CPLANE1: variants seen among roughly 807,000 people sequenced by gnomAD.
CPLANE1 encodes the protein ciliogenesis and planar polarity effector complex subunit 1, also known as ciliogenesis and planar polarity effector 1.
In CPLANE1, 263 loss-of-function variants were observed where a neutral mutation model predicts 362.5. The ratio of observed to expected loss-of-function variants is 0.73; its 90% CI spans 0.66 to 0.80. CPLANE1 has a LOEUF of 0.80. Ranked by LOEUF, CPLANE1 falls within the 30% of genes least tolerant of loss-of-function variation. CPLANE1 has a pLI of 0.00. For synonymous variants in CPLANE1, 1,212 were observed against 1,302.6 expected (o/e 0.93, Z 1.50); for missense variants, 3,461 against 3,793.4 (o/e 0.91, Z 2.30).
chr5:37,209,379 A>ATC lies in CPLANE1; in HGVS notation c.2921-2955_2921-2954insGA. ...CTGACGGCTGATGATGGCTCAGTCC[A>ATC]ACATGCTCCCCGTGGCTGATGTGTT... On this transcript the variant is annotated intron_variant, in intron 16 of 52. Coordinates refer to ENST00000651892, the MANE Select transcript of CPLANE1 (RefSeq NM_001384732.1). This position sits in a 1 kb window ranked among gnomAD's most constrained non-coding sequence, Gnocchi z 4.6. 8.8e-7 allele frequency: 1 copy of ATC among 1,131,806 alleles called. No homozygotes were observed. 70.1% of individuals were successfully genotyped at this position (1,131,806 alleles called of 1,614,324 possible).
At chr5:37,240,282 G>A (rs1561709071) in intron 6 of CPLANE1, among the ~76,000 whole-genome samples, 2 of 151,976 alleles carry the variant, frequency 1.3e-5, no homozygotes, top group African/African-American at 2.4e-5. Flanking sequence ...CCCGGGAGGC[G>A]GAGGTCGCAG....
At chr5:37,173,593 CT>C (rs558321102) in intron 32 of CPLANE1, among the ~76,000 whole-genome samples, 161 bp downstream of exon 32, 1 of 152,306 alleles carries the variant, frequency 6.6e-6, no homozygotes, top group South Asian at 2.1e-4. Flanking sequence ...ACGTGAGCCA[CT>C]GCGCCCAACC....
rs187141198 is a variant in CPLANE1 at position 37,235,032 on chromosome 5, A to T, written c.938+3825T>A. On this transcript the variant is annotated intron_variant, in intron 8 of 52. Coordinates refer to ENST00000651892, the MANE Select transcript of CPLANE1 (RefSeq NM_001384732.1). ...AAAAAAATAAATAAAAGGCATCCAA[A>T]TTATCACTCTTCACTGACAATATAA... is the stretch of plus-strand genomic sequence containing the variant. Among the ~76,000 whole-genome samples, 11 of 152,328 alleles carry T rather than the reference A, an allele frequency of 7.2e-5. No homozygotes were observed. The East Asian group carries it at 1.9e-3, about 27-fold the overall frequency.
chr5:37,201,687 G>A lies in CPLANE1; in HGVS notation c.3411C>T (p.Ala1137=). The part of the protein sequence containing the change: ...SETFQLLIDS[A]KDFSKRLWGL... ...CCCACAGTCTTTTACTGAAGTCCTT[G>A]GCAGAGTCTATCAGAAGTTGAAATG... The change falls in exon 19 of 53, where the codon GCC becomes GCT. Residue 1137 remains alanine (A), a synonymous_variant. Coordinates refer to ENST00000651892, the MANE Select transcript of CPLANE1 (RefSeq NM_001384732.1). The A allele has an allele frequency of 6.2e-7, 1 of 1,614,094 alleles. No individual in the cohort carries two copies. The highest frequency in any genetic ancestry group is 8.5e-7 in the Non-Finnish European group (1 of 1,179,958).
chr5:37,128,330 A>G (rs1255779581), intron 46 of CPLANE1, among the ~76,000 whole-genome samples: 2 of 151,500 alleles, frequency 1.3e-5, no homozygotes, highest in Non-Finnish European at 2.9e-5. Context: ...ATTACCCTAC[A>G]CTCTCCATTC....
the CPLANE1 span, chr5:37,085,057 T>C: frequency 4.3e-6 from 3 of 692,976 alleles, no homozygotes; most frequent in East Asian, 2.6e-5. Context: ...AATGCAGCCA[T>C]GGCTGGTGGT....
intron 12 of CPLANE1, 52 bp from the exon 13 acceptor site, chr5:37,224,792 GTTTAGCCTCC>G: frequency 1.6e-6 from 2 of 1,215,766 alleles, no homozygotes; most frequent in Non-Finnish European, 2.3e-6. Flanking sequence ...CTAATGATGA[GTTTAGCCTCC>G]TTTTTAGCCT....
chr5:37,244,233 G>A, intron 5 of CPLANE1, 142 bp downstream of exon 5: 1 of 534,854 alleles, frequency 1.9e-6, no homozygotes, highest in Non-Finnish European at 3.1e-6. Context: ...TTAAAAATGT[G>A]ACCCAAGAAA....
chr5:37,242,315 C>T (rs190981810), intron 6 of CPLANE1, among the ~76,000 whole-genome samples: 2,247 of 151,884 alleles, frequency 0.015, 23 homozygotes, highest in Non-Finnish European at 0.021. Context: ...GATTGCACCA[C>T]TGCACTCCAG....
At chr5:37,120,453 C>T (rs1762319386) in intron 49 of CPLANE1, 113 bp from the exon 50 acceptor site, 1 of 845,878 alleles carries the variant, frequency 1.2e-6, no homozygotes, top group Non-Finnish European at 1.7e-6. Flanking sequence ...GCCTATAGCC[C>T]CAGCTACTGG....
At chr5:37,111,143 CAG>C (rs143890894) in intron 51 of CPLANE1, among the ~76,000 whole-genome samples, 5,092 of 142,280 alleles carry the variant, frequency 0.036, 306 homozygotes, top group African/African-American at 0.12. Flanking sequence ...TGTTTTGAGA[CAG>C]AGTCTCGCTC....
chr5:37,116,575 C>T (rs371375811), intron 50 of CPLANE1, among the ~76,000 whole-genome samples: 6 of 148,558 alleles, frequency 4.0e-5, no homozygotes, highest in East Asian at 2.0e-4. Context: ...GCCATGATCA[C>T]GCCACTGCAC....
the CPLANE1 span, among the ~76,000 whole-genome samples, chr5:37,091,964 C>G: frequency 6.6e-6 from 1 of 152,200 alleles, no homozygotes; most frequent in African/African-American, 2.4e-5. Context: ...ATGAATTCTG[C>G]TCCAGACACA....
chr5:37,215,115 T>C (rs2150271886), intron 15 of CPLANE1, among the ~76,000 whole-genome samples: 1 of 152,310 alleles, frequency 6.6e-6, no homozygotes, highest in Middle Eastern at 3.4e-3. Context: ...AATGGTGCGA[T>C]CTCAGCTCAC....
At position 37,178,336 on chromosome 5, in the gene CPLANE1, T is replaced by C. The variant is rs141845856; in HGVS notation, c.5821-636A>G. Reference sequence around the variant, plus strand: ...AATAAAAAAGAATTGTTACAACAGATAGGGCACGGTGGCTCACACCTGTAA... The same window carrying C: ...AATAAAAAAGAATTGTTACAACAGACAGGGCACGGTGGCTCACACCTGTAA... On this transcript the variant is annotated intron_variant, in intron 29 of 52. Coordinates refer to ENST00000651892, the MANE Select transcript of CPLANE1 (RefSeq NM_001384732.1). 3.6e-3 allele frequency among the ~76,000 whole-genome samples: 548 copies of C among 151,714 alleles called. 2 individuals carry two copies. The highest frequency in any genetic ancestry group is 0.012 in the African/African-American group (517 of 41,398).
At position 37,182,784 on chromosome 5, in the gene CPLANE1, A is replaced by C. The variant is rs759881074; in HGVS notation, c.5397T>G (p.Tyr1799Ter). 2 of 1,610,808 alleles carry C rather than the reference A, an allele frequency of 1.2e-6. No homozygotes were observed. The highest frequency in any genetic ancestry group is 2.7e-5 in the African/African-American group (2 of 74,722). ...WLLEQPYFAT[Y>*]KAKNAIIKMV... ...CCTTAATAATGGCATTTTTTGCCTTATATGTAGCAAAATAGGGTTGTTCCA... is the reference window on the plus strand; with the variant it reads ...CCTTAATAATGGCATTTTTTGCCTTCTATGTAGCAAAATAGGGTTGTTCCA... The change falls in exon 26 of 53, where the codon TAT (tyrosine) becomes TAG (stop). Residue 1799 changes from tyrosine to a stop codon, truncating the protein, a stop_gained. Coordinates refer to ENST00000651892, the MANE Select transcript of CPLANE1 (RefSeq NM_001384732.1). LOFTEE classifies it high-confidence loss of function.
chr5:37,122,208 G>C (rs569302817), intron 48 of CPLANE1, among the ~76,000 whole-genome samples: 2 of 152,226 alleles, frequency 1.3e-5, no homozygotes, highest in Admixed American at 6.5e-5. Flanking sequence ...GAGAACAGCA[G>C]AAATAAAAGT....
chr5:37,178,016 A>G (rs1412989634), intron 29 of CPLANE1, among the ~76,000 whole-genome samples: 2 of 152,206 alleles, frequency 1.3e-5, no homozygotes, highest in African/African-American at 2.4e-5. Flanking sequence ...AAAAACAACT[A>G]TAAAACCAGG....
chr5:37,182,107 C>CA (rs1782813701), intron 26 of CPLANE1, among the ~76,000 whole-genome samples: 1 of 151,616 alleles, frequency 6.6e-6, no homozygotes, highest in Non-Finnish European at 1.5e-5. Flanking sequence ...AAACAAAAAA[C>CA]AAAACAAAAC....
Sources: gnomAD v4.1 joint callset for allele counts (sites outside exome capture counted in the v4.1 genomes callset) on GRCh38, gnomAD v4.1.1 for gene constraint, Gnocchi (gnomAD v3.1) non-coding constraint, MANE v1.5 for transcripts, NCBI Gene and HGNC (gene_info 2026-07-23, HGNC 2026-07-21) for gene names.